NPFFR1: variants seen among roughly 807,000 people sequenced by gnomAD.
The protein encoded by NPFFR1 is G-protein coupled receptor 147.
A neutral mutation model predicts 12.7 loss-of-function variants in NPFFR1; 17 were observed. The ratio of observed to expected loss-of-function variants is 1.34; its 90% confidence interval spans 0.92 to 2.01. The LOEUF is 2.01. Ranked by LOEUF, NPFFR1 falls within the 30% of genes most tolerant of loss-of-function variation. The pLI is 0.00. For missense variants in NPFFR1, 604 were observed against 606.5 expected, an observed-to-expected ratio of 1.00 and a Z score of 0.04; for synonymous variants, 296 against 264.5, an observed-to-expected ratio of 1.12 and a Z score of -1.16.
In NPFFR1 at chr10:70,251,440, C is replaced by T. The variant is rs7918641; in HGVS notation, c.*3517G>A. ...GTTTGTGGGGTGCAGGCCCGGCATC[C>T]GCCTCCAGCTCACATTGGTCTGTTG... On this transcript the variant is annotated 3_prime_UTR_variant, in exon 4 of 4. Transcript: ENST00000277942. 0.014 allele frequency: 2,174 copies of T among 153,018 alleles called. 52 individuals are homozygous for T. The highest frequency in any genetic ancestry group is 0.049 in the African/African-American group (2,032 of 41,604). The allele number at this position is 153,018 out of a possible 1,614,324, so 9.5% of individuals were successfully genotyped here.
At chr10:70,268,102 C>T (rs961232088) in intron 1 of NPFFR1, among the ~76,000 whole-genome samples, 1 of 152,040 alleles carries the variant, frequency 6.6e-6, no homozygotes, top group African/African-American at 2.4e-5. Flanking sequence ...ATATAAAGAA[C>T]CCCCATGTAT....
At chr10:70,275,310 C>T (rs1272843858) in intron 1 of NPFFR1, among the ~76,000 whole-genome samples, 1 of 152,184 alleles carries the variant, frequency 6.6e-6, no homozygotes, top group Non-Finnish European at 1.5e-5. Flanking sequence ...ATAGTGAAAA[C>T]TGAACTGCCT....
At chr10:70,272,585 G>T (rs1840762158) in intron 1 of NPFFR1, among the ~76,000 whole-genome samples, 2 of 152,248 alleles carry the variant, frequency 1.3e-5, no homozygotes, top group South Asian at 4.1e-4. Context: ...TGCTTTGATT[G>T]TTGGGTTAAC....
At position 70,276,853 on chromosome 10, in the gene NPFFR1, C is replaced by T. The variant is rs374353382; in HGVS notation, c.7+6817G>A. Among the ~76,000 whole-genome samples the T allele has an allele frequency of 1.4e-4, 21 of 152,264 alleles. No homozygotes were observed. The South Asian group carries it at 4.1e-3, about 30-fold the overall frequency. On this transcript the variant is annotated intron_variant, in intron 1 of 3. Coordinates refer to ENST00000277942, the MANE Select transcript of NPFFR1 (RefSeq NM_022146.5). ...CCGCCTGACTCAGCCTCCCAAAGTG[C>T]TGGGATTGTAGACTAATTCTTTATG... is the stretch of plus-strand genomic sequence containing the variant.
chr10:70,255,058 G>A lies in NPFFR1; in HGVS notation c.1192C>T (p.Arg398Cys). Residue 398 changes from arginine to cysteine, a missense_variant, in exon 4 of 4, where the codon CGC becomes TGC. By Grantham distance (180) the Arg-to-Cys change is radical. Coordinates refer to ENST00000277942, the MANE Select transcript of NPFFR1 (RefSeq NM_022146.5). This position sits in a 1 kb window ranked among gnomAD's most constrained non-coding sequence, Gnocchi z 4.2. ...ACCCGCCCATTCCGCAGCGGGAGGC[G>A]GCCGGGCCTGGGGGCCCCACTGCTA... ...GPSSGAPRPG[R>C]LPLRNGRVAH... 1 of 1,436,518 alleles carries A rather than the reference G, an allele frequency of 7.0e-7. No individual in the cohort carries two copies. The highest frequency in any genetic ancestry group is 1.5e-5 in the South Asian group (1 of 66,858). 89.0% of individuals were successfully genotyped at this position (1,436,518 alleles called of 1,614,324 possible). A position where few individuals can be genotyped will look rare whatever the true frequency, so the allele number is the denominator to read the frequency against.
rs917188828 is a variant in NPFFR1 at position 70,283,736 on chromosome 10, G to A, written c.-60C>T. 16 of 1,526,972 alleles carry A rather than the reference G, an allele frequency of 1.0e-5. No individual in the cohort carries two copies. In the African/African-American group the frequency reaches 2.1e-4, roughly 20 times the overall value. The allele number at this position is 1,526,972 out of a possible 1,614,324, so 94.6% of individuals were successfully genotyped here. On this transcript the variant is annotated 5_prime_UTR_variant, in exon 1 of 4. Coordinates refer to ENST00000277942, the MANE Select transcript of NPFFR1 (RefSeq NM_022146.5). ...TGGCGGGAGGCAGCGGGCCCCTTCG[G>A]GCCAGCGGGCAGAGGGACGGTCTCC...
chr10:70,276,584 CTTT>C (rs57759018), intron 1 of NPFFR1, among the ~76,000 whole-genome samples: 3,701 of 117,280 alleles, frequency 0.032, 56 homozygotes, highest in South Asian at 0.08. Flanking sequence ...ATGTTTGTAT[CTTT>C]TTTTTTTTTT....
Position 70,255,072 on chromosome 10 carries a change from G to T in NPFFR1, c.1178C>A (p.Ala393Asp), listed in dbSNP as rs1323289587. The change falls in exon 4 of 4, where the codon GCC becomes GAC. Residue 393 changes from alanine (A) to aspartate (D), a missense_variant. Coordinates refer to ENST00000277942, the MANE Select transcript of NPFFR1 (RefSeq NM_022146.5). The surrounding 1 kb of genome is among the most constrained non-coding windows in gnomAD (Gnocchi z 4.2). ...LPSESGPSSG[A>D]PRPGRLPLRN... is the part of the protein sequence containing the mutation. Reference sequence around the variant, plus strand: ...CAGCGGGAGGCGGCCGGGCCTGGGGGCCCCACTGCTAGGGCCCGACTCAGA... The same window carrying T: ...CAGCGGGAGGCGGCCGGGCCTGGGGTCCCCACTGCTAGGGCCCGACTCAGA... The T allele has an allele frequency of 7.6e-6, 11 of 1,441,724 alleles. No homozygotes were observed. Among genetic ancestry groups the T allele is most frequent in the Non-Finnish European group, 9.1e-6 (10 of 1,104,758 alleles). The allele number at this position is 1,441,724 out of a possible 1,614,324, so 89.3% of individuals were successfully genotyped here.
At chr10:70,260,832 G>C (rs1055655644) in intron 2 of NPFFR1, 93 bp from the exon 3 acceptor site, 116 of 1,093,924 alleles carry the variant, frequency 1.1e-4, no homozygotes, top group Non-Finnish European at 1.5e-5. Context: ...CTCTGAGCTT[G>C]GATCTTTCCT....
At chr10:70,276,584 C>CTT (rs57759018) in intron 1 of NPFFR1, among the ~76,000 whole-genome samples, 3,049 of 117,272 alleles carry the variant, frequency 0.026, 98 homozygotes, top group South Asian at 0.053. Context: ...ATGTTTGTAT[C>CTT]TTTTTTTTTT....
chr10:70,278,083 C>A (rs1840823213), intron 1 of NPFFR1: 2 of 477,734 alleles, frequency 4.2e-6, no homozygotes, highest in Non-Finnish European at 8.4e-6. Flanking sequence ...GAGACAGATG[C>A]TGGGCCAGCC....
intron 1 of NPFFR1, among the ~76,000 whole-genome samples, chr10:70,282,373 T>C (rs1840873004): frequency 6.6e-6 from 1 of 152,224 alleles, no homozygotes; most frequent in African/African-American, 2.4e-5. Flanking sequence ...CCGACTTCTG[T>C]TCACTGGAGC....
chr10:70,273,813 T>C (rs1032415529), intron 1 of NPFFR1, among the ~76,000 whole-genome samples: 1 of 152,140 alleles, frequency 6.6e-6, no homozygotes. Flanking sequence ...CCAGCACTCG[T>C]TTCTGTTGCT....
Position 70,249,342 on chromosome 10 carries a change from T to C in NPFFR1, c.*5615A>G, listed in dbSNP as rs1840486055. The C allele has an allele frequency of 1.3e-5, 2 of 150,492 alleles. No homozygotes were observed. Among genetic ancestry groups the C allele is most frequent in the East Asian group, 2.0e-4 (1 of 5,112 alleles). 9.3% of individuals were successfully genotyped at this position (150,492 alleles called of 1,614,324 possible). A position where few individuals can be genotyped will look rare whatever the true frequency, so the allele number is the denominator to read the frequency against. On this transcript the variant is annotated 3_prime_UTR_variant, in exon 4 of 4. Transcript: ENST00000277942. ...TGAACCTAGGAGGCAAAGGTTGCAG[T>C]GAGCCAAAATCACGTCATTGCACTC...
In NPFFR1 at chr10:70,272,257, A is replaced by AGAAAGAAAGAAAGAAG. The variant is rs1840758877; in HGVS notation, c.8-5867_8-5866insCTTCTTTCTTTCTTTC. ...GAAAGAAAGAAAGAAGAAAGAAGAA[A>AGAAAGAAAGAAAGAAG]GAAAATAATAGAAAGAAAACAATCC... On this transcript the variant is annotated intron_variant, in intron 1 of 3. Coordinates refer to ENST00000277942, the MANE Select transcript of NPFFR1 (RefSeq NM_022146.5). 3.9e-5 allele frequency among the ~76,000 whole-genome samples: 6 copies of AGAAAGAAAGAAAGAAG among 152,186 alleles called. No homozygotes were observed. In the South Asian group the frequency reaches 1.2e-3, roughly 32 times the overall value.
intron 1 of NPFFR1, among the ~76,000 whole-genome samples, chr10:70,273,135 G>A (rs1249393264): frequency 6.6e-6 from 1 of 152,174 alleles, no homozygotes; most frequent in Non-Finnish European, 1.5e-5. Context: ...AAATCACCTG[G>A]CTTTTAACAA....
In NPFFR1 at chr10:70,264,036, T is replaced by C. The variant is rs138740250; in HGVS notation, c.322+2041A>G. 9.5e-3 allele frequency among the ~76,000 whole-genome samples: 1,446 copies of C among 152,000 alleles called. 23 individuals carry two copies. Among genetic ancestry groups the C allele is most frequent in the African/African-American group, 0.033 (1,383 of 41,448 alleles). ...GGCAGGTTGAGACTGCAGTAAGCCA[T>C]GATCGTGCACTGCGCTCCAGCCTGG... On this transcript the variant is annotated intron_variant, in intron 2 of 3. Coordinates refer to ENST00000277942, the MANE Select transcript of NPFFR1 (RefSeq NM_022146.5).
rs1589916162 is a variant in NPFFR1, at chr10:70,276,830, G to A, written c.7+6840C>T. On this transcript the variant is annotated intron_variant, in intron 1 of 3. Coordinates refer to ENST00000277942, the MANE Select transcript of NPFFR1 (RefSeq NM_022146.5). ...TCAAACTCCTGACCTCAAGTGATCC[G>A]CCTGACTCAGCCTCCCAAAGTGCTG... 3.3e-5 allele frequency among the ~76,000 whole-genome samples: 5 copies of A among 152,112 alleles called. 1 individual carries two copies. In the South Asian group the frequency reaches 1.0e-3, roughly 32 times the overall value.
intron 1 of NPFFR1, among the ~76,000 whole-genome samples, chr10:70,280,987 G>T (rs1408660106): frequency 6.6e-6 from 1 of 151,708 alleles, no homozygotes; most frequent in Non-Finnish European, 1.5e-5. Flanking sequence ...GGGCAACAGG[G>T]CGAGACTCCG....
Sources: allele counts gnomAD v4.1 joint callset (sites outside exome capture counted in the v4.1 genomes callset), GRCh38; gene constraint gnomAD v4.1.1; non-coding constraint Gnocchi (gnomAD v3.1); transcripts MANE v1.5; gene names NCBI Gene and HGNC (gene_info 2026-07-23, HGNC 2026-07-21).